Variants in ASCL4 observed in about 807,000 individuals in gnomAD.
ASCL4 encodes achaete-scute homolog 4.
ASCL4 carries 1 observed loss-of-function variant against 0.3 expected under a neutral mutation model. The observed-to-expected ratio is 3.35, with a 90% CI of 1.19 to 15.89. The LOEUF is 15.89. Among genes scored for constraint, ASCL4 ranks in the 30% most tolerant of loss-of-function variants. ASCL4 has a pLI of 0.12. For synonymous variants in ASCL4, 137 were observed against 119.5 expected (o/e 1.15, Z -0.96); for missense variants, 330 against 256.9 (o/e 1.28, Z -1.94).
chr12:107,776,004 G>A lies in ASCL4; in HGVS notation c.*267G>A. 2.7e-6 allele frequency: 1 copy of A among 376,792 alleles called. No individual in the cohort carries two copies. The highest frequency in any genetic ancestry group is 4.9e-6 in the Non-Finnish European group (1 of 205,276). The allele number at this position is 376,792 out of a possible 1,614,324, so 23.3% of individuals were successfully genotyped here. ...GACTCTTTTCCTATACTTCTAAAAT[G>A]CAAACTGTTTCAGATTCTGAGCACC... On this transcript the variant is annotated 3_prime_UTR_variant, in exon 1 of 1. Transcript: ENST00000342331.
rs78204295 is a variant in ASCL4, at chr12:107,775,306, C to T, written c.88C>T (p.Leu30Phe). Reference sequence around the variant, plus strand: ...GGGCGTTCCGGGGACCCTGCCCGGACTCCCGCGGAGGGACCCCCTCAGGGT... The same window carrying T: ...GGGCGTTCCGGGGACCCTGCCCGGATTCCCGCGGAGGGACCCCCTCAGGGT... ...PLGVPGTLPG[L>F]PRRDPLRVAL... The change falls in exon 1 of 1, where the codon CTC (leucine) becomes TTC (phenylalanine). Residue 30 changes from leucine (L) to phenylalanine (F), a missense_variant. Physicochemically the swap from Leu to Phe is conservative, Grantham distance 22. Coordinates refer to ENST00000342331, the MANE Select transcript of ASCL4 (RefSeq NM_203436.3). 3.3e-3 allele frequency: 5,393 copies of T among 1,611,774 alleles called. 158 individuals are homozygous for T. In the African/African-American group the frequency reaches 0.061, roughly 18 times the overall value.
Position 107,775,638 on chromosome 12 carries a change from C to CG in ASCL4, c.421dup (p.Ala141GlyfsTer109), listed in dbSNP as rs1366283445. On this transcript the variant is annotated frameshift_variant, in exon 1 of 1. Transcript: ENST00000342331. LOFTEE classifies it high-confidence loss of function. ...CCTGGGGGCTCGAGGGCGCGGCCGG[C>CG]GCCGTCCCCCAGCGCAGGGCGGAAT... 1 of 1,556,544 alleles carries CG rather than the reference C, an allele frequency of 6.4e-7. No individual in the cohort carries two copies. Among genetic ancestry groups the CG allele is most frequent in the Non-Finnish European group, 8.6e-7 (1 of 1,160,920 alleles).
At position 107,776,629 on chromosome 12, in the gene ASCL4, A is replaced by G. The variant is rs1891466754; in HGVS notation, c.*892A>G. On this transcript the variant is annotated 3_prime_UTR_variant, in exon 1 of 1. Coordinates refer to ENST00000342331, the MANE Select transcript of ASCL4 (RefSeq NM_203436.3). ...TGGCACTGTGACTTTAAAAATAAAA[A>G]AGAAATCTACTTGGAAGTCCTTTTT... is the stretch of plus-strand genomic sequence containing the variant. 6.1e-6 allele frequency: 1 copy of G among 164,842 alleles called. No homozygotes were observed. The highest frequency in any genetic ancestry group is 2.1e-4 in the South Asian group (1 of 4,824). The allele number at this position is 164,842 out of a possible 1,614,324, so 10.2% of individuals were successfully genotyped here.
In ASCL4 at chr12:107,775,663, T is replaced by G; in HGVS notation, c.445T>G (p.Cys149Gly). 1 of 1,533,442 alleles carries G rather than the reference T, an allele frequency of 6.5e-7. No individual in the cohort carries two copies. Among genetic ancestry groups the G allele is most frequent in the Non-Finnish European group, 8.7e-7 (1 of 1,151,378 alleles). 95.0% of individuals were successfully genotyped at this position (1,533,442 alleles called of 1,614,324 possible). ...CGCCGTCCCCCAGCGCAGGGCGGAA[T>G]GCAACAGCGACGGGGAGTCCAAGGC... ...AGAVPQRRAE[C>G]NSDGESKASS... The change falls in exon 1 of 1, where the codon TGC becomes GGC. Residue 149 changes from cysteine to glycine, a missense_variant. Coordinates refer to ENST00000342331, the MANE Select transcript of ASCL4 (RefSeq NM_203436.3).
rs767455991 is a variant in ASCL4 at position 107,775,469 on chromosome 12, G to T, written c.251G>T (p.Arg84Leu). ...AAGCGCAACGAGCGCGAGCGGCAGC[G>T]GGTGCGCTGCGTGAACGAGGGCTAT... Reference protein sequence around the residue: ...LRKRNERERQRVRCVNEGYAR... With the variant: ...LRKRNERERQLVRCVNEGYAR... The change falls in exon 1 of 1, where the codon CGG (arginine) becomes CTG (leucine). Residue 84 changes from arginine to leucine, a missense_variant. By Grantham distance (102) the Arg-to-Leu change is moderately radical. Transcript: ENST00000342331. 3.8e-6 allele frequency: 6 copies of T among 1,569,868 alleles called. No individual in the cohort carries two copies. The highest frequency in any genetic ancestry group is 4.6e-5 in the East Asian group (2 of 43,510).
Position 107,775,324 on chromosome 12 carries a change from C to T in ASCL4, c.106C>T (p.Leu36Phe), listed in dbSNP as rs1162179261. The T allele has an allele frequency of 6.2e-7, 1 of 1,610,642 alleles. No individual in the cohort carries two copies. ...TLPGLPRRDP[L>F]RVALRLDAAC... The stretch of plus-strand genomic sequence containing the variant: ...GCCCGGACTCCCGCGGAGGGACCCC[C>T]TCAGGGTCGCCCTGCGTCTGGACGC... The change falls in exon 1 of 1, where the codon CTC (leucine) becomes TTC (phenylalanine). Residue 36 changes from leucine to phenylalanine, a missense_variant. Coordinates refer to ENST00000342331, the MANE Select transcript of ASCL4 (RefSeq NM_203436.3).
Position 107,775,130 on chromosome 12 carries a change from C to A in ASCL4, c.-89C>A. 1.3e-6 allele frequency: 2 copies of A among 1,528,334 alleles called. No individual in the cohort carries two copies. The highest frequency in any genetic ancestry group is 1.2e-5 in the South Asian group (1 of 80,422). 94.7% of individuals were successfully genotyped at this position (1,528,334 alleles called of 1,614,324 possible). The stretch of plus-strand genomic sequence containing the variant: ...CAGACCCACTGAGCCAGGCAGTCTG[C>A]ACCAGCACCTCTGCTTCTAAGATTC... On this transcript the variant is annotated 5_prime_UTR_variant, in exon 1 of 1. Transcript: ENST00000342331.
chr12:107,776,254 A>T lies in ASCL4; in HGVS notation c.*517A>T, dbSNP rs1156508523. 6.0e-6 allele frequency: 1 copy of T among 167,216 alleles called. No individual in the cohort carries two copies. Among genetic ancestry groups the T allele is most frequent in the Non-Finnish European group, 1.5e-5 (1 of 68,174 alleles). The allele number at this position is 167,216 out of a possible 1,614,324, so 10.4% of individuals were successfully genotyped here. A position where few individuals can be genotyped will look rare whatever the true frequency, so the allele number is the denominator to read the frequency against. On this transcript the variant is annotated 3_prime_UTR_variant, in exon 1 of 1. Coordinates refer to ENST00000342331, the MANE Select transcript of ASCL4 (RefSeq NM_203436.3). The stretch of plus-strand genomic sequence containing the variant: ...CTTCGGGAATTGTATTCAAAATGTA[A>T]TGGAAAGTAATTGTTGACCTCCTGC...
At position 107,776,458 on chromosome 12, in the gene ASCL4, TC is replaced by T. The variant is rs1273835184; in HGVS notation, c.*722del. The T allele has an allele frequency of 1.9e-4, 31 of 167,240 alleles. No homozygotes were observed. Among genetic ancestry groups the T allele is most frequent in the Non-Finnish European group, 2.9e-4 (20 of 68,134 alleles). The allele number at this position is 167,240 out of a possible 1,614,324, so 10.4% of individuals were successfully genotyped here. A position where few individuals can be genotyped will look rare whatever the true frequency, so the allele number is the denominator to read the frequency against. ...TAGTAAAATATCTTAGAATTAATGA[TC>T]TCTTTGGAAGAGAGCCCAGATTTGT... On this transcript the variant is annotated 3_prime_UTR_variant, in exon 1 of 1. Transcript: ENST00000342331.
Position 107,775,186 on chromosome 12 carries a change from C to G in ASCL4, c.-33C>G. On this transcript the variant is annotated 5_prime_UTR_variant, in exon 1 of 1. Coordinates refer to ENST00000342331, the MANE Select transcript of ASCL4 (RefSeq NM_203436.3). ...CGTCTTCTTCTATTGAGAGATTGACCTCTTGAGTGATTTGTGTGCTTTCCG... is the reference window on the plus strand; with the variant it reads ...CGTCTTCTTCTATTGAGAGATTGACGTCTTGAGTGATTTGTGTGCTTTCCG... The G allele has an allele frequency of 6.2e-7, 1 of 1,603,610 alleles. No homozygotes were observed. Among genetic ancestry groups the G allele is most frequent in the Non-Finnish European group, 8.5e-7 (1 of 1,174,534 alleles).
rs1381671516 is a variant in ASCL4, at chr12:107,775,393, C to T, written c.175C>T (p.Gln59Ter). 2 of 1,596,172 alleles carry T rather than the reference C, an allele frequency of 1.3e-6. No homozygotes were observed. The highest frequency in any genetic ancestry group is 1.3e-5 in the African/African-American group (1 of 74,236). ...WARSGCARGWQYLPVPLDSAF... is the reference protein window; with the variant it reads ...WARSGCARGW ...GCGCAGCGGCTGCGCACGGGGATGG[C>T]AGTACTTGCCCGTGCCGCTGGACAG... is the stretch of plus-strand genomic sequence containing the variant. The change falls in exon 1 of 1, where the codon CAG (glutamine) becomes TAG (stop). Residue 59 changes from glutamine (Q) to a stop codon, truncating the protein, a stop_gained. Transcript: ENST00000342331. LOFTEE classifies it low-confidence loss of function (END_TRUNC).
rs892659908 is a variant in ASCL4 at position 107,775,655 on chromosome 12, G to C, written c.437G>C (p.Arg146Thr). ...EGAAGAVPQR[R>T]AECNSDGESK... is the part of the protein sequence containing the mutation. ...GCGGCCGGCGCCGTCCCCCAGCGCA[G>C]GGCGGAATGCAACAGCGACGGGGAG... The change falls in exon 1 of 1, where the codon AGG becomes ACG. Residue 146 changes from arginine (R) to threonine (T), a missense_variant. Arg to Thr is a moderately conservative substitution (Grantham distance 71). Coordinates refer to ENST00000342331, the MANE Select transcript of ASCL4 (RefSeq NM_203436.3). 1.3e-6 allele frequency: 2 copies of C among 1,541,774 alleles called. No homozygotes were observed. The highest frequency in any genetic ancestry group is 3.9e-5 in the Admixed American group (2 of 50,758).
chr12:107,776,133 A>C lies in ASCL4; in HGVS notation c.*396A>C. On this transcript the variant is annotated 3_prime_UTR_variant, in exon 1 of 1. Coordinates refer to ENST00000342331, the MANE Select transcript of ASCL4 (RefSeq NM_203436.3). The stretch of plus-strand genomic sequence containing the variant: ...TGGTATACATAAACATTAAACCTTA[A>C]CCAAAGAAGAACTTTACCGCCACCA... 1 of 180,376 alleles carries C rather than the reference A, an allele frequency of 5.5e-6. No individual in the cohort carries two copies. The highest frequency in any genetic ancestry group is 1.3e-5 in the Non-Finnish European group (1 of 78,448). The allele number at this position is 180,376 out of a possible 1,614,324, so 11.2% of individuals were successfully genotyped here.
rs758813832 is a variant in ASCL4 at position 107,775,431 on chromosome 12, C to A, written c.213C>A (p.Pro71=). The A allele has an allele frequency of 2.5e-6, 4 of 1,570,192 alleles. No individual in the cohort carries two copies. The highest frequency in any genetic ancestry group is 2.6e-6 in the Non-Finnish European group (3 of 1,164,966). ...LPVPLDSAFE[P]AFLRKRNERE... is the part of the protein sequence containing the mutation. ...TGCCGCTGGACAGCGCCTTCGAGCC[C>A]GCCTTCCTCCGCAAGCGCAACGAGC... Residue 71 remains proline, a synonymous_variant, in exon 1 of 1, where the codon CCC becomes CCA. Transcript: ENST00000342331.
At position 107,775,755 on chromosome 12, in the gene ASCL4, C is replaced by T. The variant is rs1206996801; in HGVS notation, c.*18C>T. 1 of 1,396,546 alleles carries T rather than the reference C, an allele frequency of 7.2e-7. No homozygotes were observed. Among genetic ancestry groups the T allele is most frequent in the Admixed American group, 3.5e-5 (1 of 28,394 alleles). 86.5% of individuals were successfully genotyped at this position (1,396,546 alleles called of 1,614,324 possible). Reference sequence around the variant, plus strand: ...GCAGCTAGCGAGCGCCCGAACTGGCCAGGACCCCCGCGCCCGCCGCACAGC... The same window carrying T: ...GCAGCTAGCGAGCGCCCGAACTGGCTAGGACCCCCGCGCCCGCCGCACAGC... On this transcript the variant is annotated 3_prime_UTR_variant, in exon 1 of 1. Transcript: ENST00000342331.
In ASCL4 at chr12:107,775,409, C is replaced by A. The variant is rs1238694109; in HGVS notation, c.191C>A (p.Pro64Gln). 7 of 1,583,958 alleles carry A rather than the reference C, an allele frequency of 4.4e-6. No homozygotes were observed. The highest frequency in any genetic ancestry group is 2.3e-5 in the East Asian group (1 of 43,802). ...CARGWQYLPV[P>Q]LDSAFEPAFL... ...CGGGGATGGCAGTACTTGCCCGTGC[C>A]GCTGGACAGCGCCTTCGAGCCCGCC... is the stretch of plus-strand genomic sequence containing the variant. The change falls in exon 1 of 1, where the codon CCG becomes CAG. Residue 64 changes from proline to glutamine, a missense_variant. By Grantham distance (76) the Pro-to-Gln change is moderately conservative. Coordinates refer to ENST00000342331, the MANE Select transcript of ASCL4 (RefSeq NM_203436.3).
Position 107,776,256 on chromosome 12 carries a change from G to A in ASCL4, c.*519G>A, listed in dbSNP as rs956125203. On this transcript the variant is annotated 3_prime_UTR_variant, in exon 1 of 1. Transcript: ENST00000342331. ...TCGGGAATTGTATTCAAAATGTAAT[G>A]GAAAGTAATTGTTGACCTCCTGCTT... 6.0e-6 allele frequency: 1 copy of A among 167,180 alleles called. No homozygotes were observed. Among genetic ancestry groups the A allele is most frequent in the African/African-American group, 2.4e-5 (1 of 41,446 alleles). The allele number at this position is 167,180 out of a possible 1,614,324, so 10.4% of individuals were successfully genotyped here.
Position 107,775,762 on chromosome 12 carries a change from C to G in ASCL4, c.*25C>G. ...GCGAGCGCCCGAACTGGCCAGGACC[C>G]CCGCGCCCGCCGCACAGCGCGCAGC... On this transcript the variant is annotated 3_prime_UTR_variant, in exon 1 of 1. Coordinates refer to ENST00000342331, the MANE Select transcript of ASCL4 (RefSeq NM_203436.3). 7.2e-7 allele frequency: 1 copy of G among 1,387,058 alleles called. No homozygotes were observed. The highest frequency in any genetic ancestry group is 9.3e-7 in the Non-Finnish European group (1 of 1,076,410). The allele number at this position is 1,387,058 out of a possible 1,614,324, so 85.9% of individuals were successfully genotyped here. A position where few individuals can be genotyped will look rare whatever the true frequency, so the allele number is the denominator to read the frequency against.
rs1418489999 is a variant in ASCL4, at chr12:107,776,346, G to GT, written c.*610dup. On this transcript the variant is annotated 3_prime_UTR_variant, in exon 1 of 1. Transcript: ENST00000342331. ...TTGCCAGCATGTGCTGTTGTTGACT[G>GT]TGTGAATGATGGTGCCAGGGAATCC... 6.0e-6 allele frequency: 1 copy of GT among 167,162 alleles called. No homozygotes were observed. Among genetic ancestry groups the GT allele is most frequent in the Non-Finnish European group, 1.5e-5 (1 of 68,152 alleles). The allele number at this position is 167,162 out of a possible 1,614,324, so 10.4% of individuals were successfully genotyped here.
Sources: gnomAD v4.1 joint callset for allele counts on GRCh38, gnomAD v4.1.1 for gene constraint, MANE v1.5 for transcripts, NCBI Gene and HGNC (gene_info 2026-07-23, HGNC 2026-07-21) for gene names.